Variants in PCSK6 observed in about 807,000 individuals in gnomAD.
PCSK6 encodes the protein proprotein convertase subtilisin/kexin type 6.
Under a neutral mutation model 123.3 loss-of-function variants are expected in PCSK6, and 85 were observed. The observed-to-expected ratio is 0.69, with a 90% CI of 0.58 to 0.83. The LOEUF is 0.83. Among genes scored for constraint, PCSK6 ranks in the 40% least tolerant of loss-of-function variants. The probability of loss-of-function intolerance (pLI) is 0.00; values close to 1 mark genes in which losing one functional copy is unlikely to be tolerated. For synonymous variants in PCSK6, 508 were observed against 516.0 expected (o/e 0.98, Z 0.21); for missense variants, 1,191 against 1,282.3 (o/e 0.93, Z 1.09).
At chr15:101,307,381 G>A (rs2039749460) in intron 20 of PCSK6, 56 bp from the exon 21 acceptor site, 4 of 1,332,568 alleles carry the variant, frequency 3.0e-6, no homozygotes, top group Non-Finnish European at 2.1e-6. Context: ...ACCACTCCGG[G>A]CTCCCTTCCC....
At chr15:101,387,857 G>C (rs772591211) in intron 9 of PCSK6, among the ~76,000 whole-genome samples, 1 of 152,246 alleles carries the variant, frequency 6.6e-6, no homozygotes, top group Admixed American at 6.5e-5. Flanking sequence ...CTCAACACAG[G>C]TTTTCAAATT....
In PCSK6 at chr15:101,370,402, G is replaced by A. The variant is rs919477464; in HGVS notation, c.1654C>T (p.Arg552Cys). 7.7e-6 allele frequency: 12 copies of A among 1,552,950 alleles called. No homozygotes were observed. The highest frequency in any genetic ancestry group is 4.1e-5 in the African/African-American group (3 of 73,144). The change falls in exon 12 of 22, where the codon CGC (arginine) becomes TGC (cysteine). Residue 552 changes from arginine (R) to cysteine (C), a missense_variant. Coordinates refer to ENST00000611716, the MANE Select transcript of PCSK6 (RefSeq NM_002570.5). ...VVVRTSISHPRRGDLQIYLVS... is the reference protein window; with the variant it reads ...VVVRTSISHPCRGDLQIYLVS... Reference sequence around the variant, plus strand: ...AGGTAGATCTGGAGGTCTCCTCGGCGTGGGTGTGAGATGGAGGTGCGAACC... The same window carrying A: ...AGGTAGATCTGGAGGTCTCCTCGGCATGGGTGTGAGATGGAGGTGCGAACC...
At chr15:101,480,764 G>A (rs570256529) in intron 1 of PCSK6, among the ~76,000 whole-genome samples, 3 of 152,218 alleles carry the variant, frequency 2.0e-5, no homozygotes, top group Non-Finnish European at 4.4e-5. Context: ...TCAGTGTGGA[G>A]CTGACCTGGC....
At chr15:101,365,376 C>T (rs187598377) in intron 13 of PCSK6, among the ~76,000 whole-genome samples, 10 of 152,238 alleles carry the variant, frequency 6.6e-5, no homozygotes, top group South Asian at 4.2e-4. Context: ...CCTACTAGAA[C>T]GCTTATAATT....
chr15:101,477,002 C>T (rs2057748255), intron 1 of PCSK6, among the ~76,000 whole-genome samples: 1 of 152,102 alleles, frequency 6.6e-6, no homozygotes, highest in African/African-American at 2.4e-5. Flanking sequence ...GCCTCTTCCA[C>T]CTCCCTGCAC....
At chr15:101,394,568 A>G (rs534558308) in intron 7 of PCSK6, among the ~76,000 whole-genome samples, 14 of 152,308 alleles carry the variant, frequency 9.2e-5, no homozygotes, top group African/African-American at 3.4e-4. Context: ...TGGCCATCAC[A>G]TCCTTACTAA....
chr15:101,374,185 C>T (rs913451470), intron 11 of PCSK6, among the ~76,000 whole-genome samples: 2 of 152,194 alleles, frequency 1.3e-5, no homozygotes, highest in African/African-American at 4.8e-5. Context: ...CCCAAATGCT[C>T]TCCACCCGCT....
chr15:101,402,806 C>G (rs1429839914), intron 6 of PCSK6, among the ~76,000 whole-genome samples: 2 of 152,104 alleles, frequency 1.3e-5, no homozygotes, highest in African/African-American at 2.4e-5. Context: ...AATAGGAACA[C>G]TTTTACACTG....
chr15:101,467,434 G>C (rs2057491021), intron 1 of PCSK6, among the ~76,000 whole-genome samples: 1 of 149,630 alleles, frequency 6.7e-6, no homozygotes, highest in Non-Finnish European at 1.5e-5. Flanking sequence ...ACCACACCCA[G>C]CTAATTTTTT....
At chr15:101,319,634 G>A (rs1443037371) in intron 18 of PCSK6, among the ~76,000 whole-genome samples, 1 of 152,176 alleles carries the variant, frequency 6.6e-6, no homozygotes, top group Non-Finnish European at 1.5e-5. Context: ...AGGCTGAATT[G>A]ATCACCAATG....
At chr15:101,403,406 A>C (rs188802329) in intron 6 of PCSK6, among the ~76,000 whole-genome samples, 4 of 143,668 alleles carry the variant, frequency 2.8e-5, no homozygotes, top group African/African-American at 1.0e-4. Flanking sequence ...ATGTACCCTA[A>C]AACTTAAAGT....
intron 6 of PCSK6, among the ~76,000 whole-genome samples, chr15:101,409,590 A>AC (rs2042884479): frequency 6.6e-6 from 1 of 151,884 alleles, no homozygotes; most frequent in Non-Finnish European, 1.5e-5. Context: ...GTCTCAAAAA[A>AC]AAAAAAAAAA....
At chr15:101,379,947 G>GC (rs1400498672) in intron 11 of PCSK6, among the ~76,000 whole-genome samples, 1 of 152,140 alleles carries the variant, frequency 6.6e-6, no homozygotes, top group African/African-American at 2.4e-5. Flanking sequence ...CTCTCTGGAG[G>GC]CCCGTATGTC....
chr15:101,450,640 G>C (rs2141173388), intron 1 of PCSK6, among the ~76,000 whole-genome samples: 1 of 152,330 alleles, frequency 6.6e-6, no homozygotes, highest in Non-Finnish European at 1.5e-5. Context: ...GACATTGGGA[G>C]GATACACAGG....
At chr15:101,458,316 G>A (rs188380690) in intron 1 of PCSK6, among the ~76,000 whole-genome samples, 17 of 152,296 alleles carry the variant, frequency 1.1e-4, no homozygotes, top group Admixed American at 1.1e-3. Context: ...TTGAGTCTCT[G>A]CAGCAGACAG....
rs1358391823 is a variant in PCSK6 at position 101,398,948 on chromosome 15, G to A, written c.824-372C>T. Among the ~76,000 whole-genome samples, 1 of 151,962 alleles carries A rather than the reference G, an allele frequency of 6.6e-6. No individual in the cohort carries two copies. The highest frequency in any genetic ancestry group is 1.5e-5 in the Non-Finnish European group (1 of 67,984). ...GACAGAGTCTCACTCTGTCACCCAGGCTGGAGGGCAGTGGTGCAATCTCGG... is the reference window on the plus strand; with the variant it reads ...GACAGAGTCTCACTCTGTCACCCAGACTGGAGGGCAGTGGTGCAATCTCGG... On this transcript the variant is annotated intron_variant, in intron 6 of 21. Transcript: ENST00000611716. This position sits in a 1 kb window ranked among gnomAD's most constrained non-coding sequence, Gnocchi z 4.6.
At chr15:101,438,818 G>C (rs2056675458) in intron 2 of PCSK6, among the ~76,000 whole-genome samples, 1 of 152,228 alleles carries the variant, frequency 6.6e-6, no homozygotes, top group Non-Finnish European at 1.5e-5. Flanking sequence ...ACATACGACT[G>C]CTAGAAGAGC....
intron 2 of PCSK6, among the ~76,000 whole-genome samples, chr15:101,437,159 C>T (rs138742434): frequency 3.9e-5 from 6 of 152,232 alleles, no homozygotes; most frequent in Admixed American, 6.5e-5. Flanking sequence ...AACCACTGAA[C>T]CAAGCTAGAC....
chr15:101,349,907 A>AT (rs1003531721), intron 13 of PCSK6, among the ~76,000 whole-genome samples: 7 of 151,132 alleles, frequency 4.6e-5, no homozygotes, highest in African/African-American at 1.7e-4. Context: ...GTTTTCGTTT[A>AT]TTTTTTTTAT....
Sources: allele counts gnomAD v4.1 joint callset (sites outside exome capture counted in the v4.1 genomes callset), GRCh38; gene constraint gnomAD v4.1.1; non-coding constraint Gnocchi (gnomAD v3.1); transcripts MANE v1.5; gene names NCBI Gene and HGNC (gene_info 2026-07-23, HGNC 2026-07-21).